The following CHST8 variants were observed in gnomAD, a reference collection of about 807,000 sequenced individuals.
CHST8 encodes GALNAC-4-ST1.
In CHST8, 10 loss-of-function variants were observed where a neutral mutation model predicts 15.0. That is an observed-to-expected ratio of 0.67 (90% CI 0.41 to 1.13). The LOEUF (loss-of-function observed/expected upper bound fraction) is 1.13, where lower values mean the gene tolerates loss of function less well. Among genes scored for constraint, CHST8 ranks in the 50% most tolerant of loss-of-function variants. CHST8 has a pLI of 0.00. For synonymous variants in CHST8, 259 were observed against 256.6 expected (o/e 1.01, Z -0.09); for missense variants, 634 against 608.2 (o/e 1.04, Z -0.45).
intron 3 of CHST8, among the ~76,000 whole-genome samples, chr19:33,765,554 TCAGAGA>T (rs765755949): frequency 0.016 from 1,639 of 102,612 alleles, 7 homozygotes; most frequent in Middle Eastern, 0.04. Flanking sequence ...TGTGTGTGTG[TCAGAGA>T]GAGAGAGAGA....
Position 33,772,078 on chromosome 19 carries a change from C to T in CHST8, c.290C>T (p.Pro97Leu), listed in dbSNP as rs1296985746. 1.2e-6 allele frequency: 2 copies of T among 1,612,524 alleles called. No homozygotes were observed. Among genetic ancestry groups the T allele is most frequent in the South Asian group, 1.1e-5 (1 of 91,052 alleles). ...CTGCCAGCGCCTGACCAGCCTCAAC[C>T]CCCGCTGCAGAGGGGAACCCGTCTG... ...RNLPAPDQPQ[P>L]PLQRGTRLRL... The change falls in exon 5 of 5, where the codon CCC becomes CTC. Residue 97 changes from proline (P) to leucine (L), a missense_variant. Pro to Leu is a moderately conservative substitution (Grantham distance 98). Coordinates refer to ENST00000650847, the MANE Select transcript of CHST8 (RefSeq NM_001127895.2).
chr19:33,684,071 C>T lies in CHST8; in HGVS notation c.-86-5105C>T, dbSNP rs11084745. On this transcript the variant is annotated intron_variant, in intron 2 of 4. Coordinates refer to ENST00000650847, the MANE Select transcript of CHST8 (RefSeq NM_001127895.2). ...GTCAGTCTTTGGCCACGCTCTCAGG[C>T]CCCCCTCGCTGTGGCTGTGTGTTTG... Among the ~76,000 whole-genome samples, 3 of 152,272 alleles carry T rather than the reference C, an allele frequency of 2.0e-5. No individual in the cohort carries two copies. The East Asian group carries it at 5.8e-4, about 29-fold the overall frequency.
intron 1 of CHST8, among the ~76,000 whole-genome samples, chr19:33,667,158 G>A (rs1175845432): frequency 6.6e-6 from 1 of 152,202 alleles, no homozygotes; most frequent in African/African-American, 2.4e-5. Context: ...TGCAGATGGA[G>A]GGTGAAGGGC....
At chr19:33,690,000 G>A (rs916555031) in intron 3 of CHST8, among the ~76,000 whole-genome samples, 8 of 152,190 alleles carry the variant, frequency 5.3e-5, no homozygotes, top group Non-Finnish European at 1.2e-4. Context: ...TGGCATCTCA[G>A]GGCAGACGGA....
At chr19:33,727,787 G>C (rs1466187231) in intron 3 of CHST8, among the ~76,000 whole-genome samples, 1 of 152,248 alleles carries the variant, frequency 6.6e-6, no homozygotes. Flanking sequence ...GCCGTAGCGG[G>C]CTGGTGGCTG....
intron 3 of CHST8, among the ~76,000 whole-genome samples, chr19:33,715,202 G>A (rs1021421518): frequency 1.3e-5 from 2 of 152,338 alleles, no homozygotes; most frequent in South Asian, 2.1e-4. Flanking sequence ...GCCCAGGGCT[G>A]CTGTTTGGTC....
At chr19:33,713,022 C>T (rs975907748) in intron 3 of CHST8, among the ~76,000 whole-genome samples, 7 of 152,136 alleles carry the variant, frequency 4.6e-5, no homozygotes, top group Admixed American at 4.6e-4. Flanking sequence ...CCATGGAGAG[C>T]AGCTGGGCAT....
At chr19:33,641,049 C>T (rs549828529) in intron 1 of CHST8, among the ~76,000 whole-genome samples, 5 of 152,214 alleles carry the variant, frequency 3.3e-5, no homozygotes, top group African/African-American at 1.2e-4. Context: ...GAAGGTCCCT[C>T]CCAGCACCAG....
At chr19:33,689,992 G>C (rs895918121) in intron 3 of CHST8, among the ~76,000 whole-genome samples, 1 of 152,196 alleles carries the variant, frequency 6.6e-6, no homozygotes, top group African/African-American at 2.4e-5. Context: ...GGTGATTCTG[G>C]CATCTCAGGG....
rs1049804913 is a variant in CHST8 at position 33,772,441 on chromosome 19, C to G, written c.653C>G (p.Ser218Cys). The G allele has an allele frequency of 6.2e-7, 1 of 1,611,868 alleles. No individual in the cohort carries two copies. The highest frequency in any genetic ancestry group is 1.3e-5 in the African/African-American group (1 of 74,948). The change falls in exon 5 of 5, where the codon TCC (serine) becomes TGC (cysteine). Residue 218 changes from serine to cysteine, a missense_variant. Coordinates refer to ENST00000650847, the MANE Select transcript of CHST8 (RefSeq NM_001127895.2). ...VLMVLAGLAS[S>C]TADIQHNTVH... ...ATGGTGCTGGCCGGCCTGGCCTCGT[C>G]CACTGCCGACATCCAGCACAACACC...
intron 3 of CHST8, among the ~76,000 whole-genome samples, chr19:33,770,453 C>A (rs1440030978): frequency 6.6e-6 from 1 of 152,226 alleles, no homozygotes; most frequent in African/African-American, 2.4e-5. Flanking sequence ...CCTCGGTGGC[C>A]AGGTAGGGAC....
At chr19:33,725,770 C>T (rs912714877) in intron 3 of CHST8, among the ~76,000 whole-genome samples, 13 of 152,226 alleles carry the variant, frequency 8.5e-5, no homozygotes, top group Admixed American at 2.6e-4. Flanking sequence ...CGGCCAGCCC[C>T]TTATCTCTAG....
At chr19:33,624,713 T>C (rs1972029414) in intron 1 of CHST8, among the ~76,000 whole-genome samples, 1 of 152,228 alleles carries the variant, frequency 6.6e-6, no homozygotes, top group South Asian at 2.1e-4. Flanking sequence ...GCTCCCCTGC[T>C]CTGAGCTCTG....
intron 3 of CHST8, among the ~76,000 whole-genome samples, chr19:33,730,178 A>G (rs865788770): frequency 5.3e-5 from 8 of 152,172 alleles, no homozygotes; most frequent in Non-Finnish European, 1.0e-4. Flanking sequence ...TTATAACTAT[A>G]TTCCCGTCGA....
intron 3 of CHST8, among the ~76,000 whole-genome samples, chr19:33,727,310 C>G (rs1331620876): frequency 2.6e-5 from 4 of 152,174 alleles, no homozygotes; most frequent in African/African-American, 9.6e-5. Context: ...CTTGTGCCGA[C>G]CCAGGAGGCT....
chr19:33,713,183 G>A (rs1001458592), intron 3 of CHST8, among the ~76,000 whole-genome samples: 2 of 152,170 alleles, frequency 1.3e-5, no homozygotes, highest in African/African-American at 4.8e-5. Flanking sequence ...GTCATCCCAA[G>A]ACCTAATGTG....
Position 33,697,270 on chromosome 19 carries a change from C to T in CHST8, c.130+7879C>T, listed in dbSNP as rs1196686116. Among the ~76,000 whole-genome samples the T allele has an allele frequency of 5.9e-5, 9 of 152,108 alleles. No individual in the cohort carries two copies. The East Asian group carries it at 1.5e-3, about 26-fold the overall frequency. On this transcript the variant is annotated intron_variant, in intron 3 of 4. Transcript: ENST00000650847. ...TTTGAGATAGAGTCTCACTCTGTCA[C>T]CCAGGCTACAGTGCAGTGGTGTGAT...
chr19:33,642,302 C>G (rs953484115), intron 1 of CHST8, among the ~76,000 whole-genome samples: 7 of 152,188 alleles, frequency 4.6e-5, no homozygotes, highest in African/African-American at 9.7e-5. Flanking sequence ...GGGCCCCCCC[C>G]CACTCCACCT....
At chr19:33,699,283 G>C (rs1445128161) in intron 3 of CHST8, among the ~76,000 whole-genome samples, 1 of 152,288 alleles carries the variant, frequency 6.6e-6, no homozygotes, top group East Asian at 1.9e-4. Context: ...CTGCTCTCGG[G>C]AGCTCACAAT....
Sources: gnomAD v4.1 joint callset for allele counts (sites outside exome capture counted in the v4.1 genomes callset) on GRCh38, gnomAD v4.1.1 for gene constraint, MANE v1.5 for transcripts, NCBI Gene and HGNC (gene_info 2026-07-23, HGNC 2026-07-21) for gene names.